Variants in SYTL5 observed in about 807,000 individuals in gnomAD.
SYTL5 encodes the protein synaptotagmin like 5.
A neutral mutation model predicts 55.9 loss-of-function variants in SYTL5; 34 were observed. That is an observed-to-expected ratio of 0.61 (90% CI 0.46 to 0.81). The LOEUF (loss-of-function observed/expected upper bound fraction) is 0.81. Ranked by LOEUF, SYTL5 falls within the 30% of genes least tolerant of loss-of-function variation. The pLI is 0.00. For synonymous variants in SYTL5, 221 were observed against 188.7 expected, an observed-to-expected ratio of 1.17 and a Z score of -1.40; for missense variants, 637 against 546.7, an observed-to-expected ratio of 1.17 and a Z score of -1.65.
At chrX:38,028,850 T>C (rs776140160) in intron 1 of SYTL5, among the ~76,000 whole-genome samples, 1 of 111,765 alleles carries the variant, frequency 8.9e-6, no homozygotes, top group African/African-American at 3.2e-5. Flanking sequence ...TGACAAAATG[T>C]CTTAGGGCAG....
chrX:37,937,144 G>T, the SYTL5 span, among the ~76,000 whole-genome samples: 50 of 110,318 alleles, frequency 4.5e-4, no homozygotes, highest in African/African-American at 1.6e-3. Flanking sequence ...GACCTGTGAA[G>T]GTAATTGGGT....
the SYTL5 span, among the ~76,000 whole-genome samples, chrX:37,961,992 T>A: frequency 8.9e-6 from 1 of 112,014 alleles, no homozygotes; most frequent in East Asian, 2.8e-4. Flanking sequence ...ATGAGGTTTC[T>A]ATGGATTCAT....
At chrX:37,983,413 A>T in the SYTL5 span, among the ~76,000 whole-genome samples, 2 of 112,396 alleles carry the variant, frequency 1.8e-5, no homozygotes, top group African/African-American at 6.4e-5. Context: ...ATATTAAAAT[A>T]AAAAATGCTA....
At chrX:38,050,211 T>C (rs985589914) in intron 2 of SYTL5, among the ~76,000 whole-genome samples, 8 of 112,418 alleles carry the variant, frequency 7.1e-5, no homozygotes, top group African/African-American at 2.6e-4. Flanking sequence ...TGGTGTAAAA[T>C]GGTGTTCAGT....
At chrX:38,075,937 G>C (rs1470806466) in intron 5 of SYTL5, among the ~76,000 whole-genome samples, 1 of 112,341 alleles carries the variant, frequency 8.9e-6, no homozygotes, top group Non-Finnish European at 1.9e-5. Flanking sequence ...CTAAAAGGCT[G>C]TTTCTGCTTA....
chrX:38,073,514 G>A (rs1936317171), intron 4 of SYTL5, 76 bp from the exon 5 acceptor site: 5 of 768,198 alleles, frequency 6.5e-6, no homozygotes, highest in Middle Eastern at 4.4e-4. Flanking sequence ...CTGGGAAAGT[G>A]AAAGCAGAAT....
chrX:38,054,971 C>G (rs1935738997), intron 3 of SYTL5, among the ~76,000 whole-genome samples: 1 of 111,164 alleles, frequency 9.0e-6, no homozygotes, highest in Non-Finnish European at 1.9e-5. Context: ...CCAGCCTTGG[C>G]CTCCCAAAGT....
intron 2 of SYTL5, among the ~76,000 whole-genome samples, chrX:38,039,350 A>G (rs775695592): frequency 1.8e-5 from 2 of 112,493 alleles, no homozygotes; most frequent in Non-Finnish European, 3.8e-5. Flanking sequence ...AAATTGAGCT[A>G]TCAACAATTA....
intron 3 of SYTL5, among the ~76,000 whole-genome samples, chrX:38,061,560 C>T (rs1478072222): frequency 1.8e-5 from 2 of 111,144 alleles, no homozygotes; most frequent in African/African-American, 3.3e-5. Context: ...AGTAAATGAC[C>T]TTTATTGTCA....
At chrX:38,124,126 C>T (rs1319086468) in intron 15 of SYTL5, among the ~76,000 whole-genome samples, 2 of 111,426 alleles carry the variant, frequency 1.8e-5, no homozygotes, top group Non-Finnish European at 3.8e-5. Flanking sequence ...CCTGTTTCAG[C>T]TATCCCACAC....
intron 13 of SYTL5, among the ~76,000 whole-genome samples, chrX:38,118,920 A>AATATATATATATAT (rs61288420): frequency 3.4e-5 from 3 of 88,989 alleles, no homozygotes; most frequent in Admixed American, 1.3e-4. Flanking sequence ...ATGCCCAGCT[A>AATATATATATATAT]ATATATATAT....
chrX:37,931,628 G>A, the SYTL5 span, among the ~76,000 whole-genome samples: 5 of 111,598 alleles, frequency 4.5e-5, no homozygotes, highest in African/African-American at 1.6e-4. Context: ...TGTTTTGCTT[G>A]CTGCTGTATC....
chrX:37,899,475 CT>C, the SYTL5 span, among the ~76,000 whole-genome samples: 1 of 112,146 alleles, frequency 8.9e-6, no homozygotes, highest in Non-Finnish European at 1.9e-5. Flanking sequence ...AATTTAAGTG[CT>C]TTGTTCCAAT....
At chrX:37,939,288 A>C in the SYTL5 span, among the ~76,000 whole-genome samples, 1 of 111,482 alleles carries the variant, frequency 9.0e-6, no homozygotes, top group Non-Finnish European at 1.9e-5. Context: ...AGAAAAAAAA[A>C]GAAAGATAAC....
At chrX:37,980,802 T>A in the SYTL5 span, among the ~76,000 whole-genome samples, 6 of 112,128 alleles carry the variant, frequency 5.4e-5, no homozygotes, top group East Asian at 1.7e-3. Context: ...TGCTTCTTCA[T>A]CCTAGCCTCC....
At chrX:37,893,560 A>C in the SYTL5 span, among the ~76,000 whole-genome samples, 363 of 89,804 alleles carry the variant, frequency 4.0e-3, 2 homozygotes, top group African/African-American at 0.014. Flanking sequence ...TAGATTATAG[A>C]TTATATATAC....
the SYTL5 span, among the ~76,000 whole-genome samples, chrX:37,970,706 T>C: frequency 1.8e-5 from 2 of 111,924 alleles, no homozygotes; most frequent in Non-Finnish European, 3.8e-5. Flanking sequence ...ACCATTCTTA[T>C]AGCTGTGAGT....
the SYTL5 span, among the ~76,000 whole-genome samples, chrX:37,941,829 T>C: frequency 8.9e-6 from 1 of 112,264 alleles, no homozygotes; most frequent in Admixed American, 9.5e-5. Flanking sequence ...GTTCTTTTCA[T>C]AGAATAATTT....
intron 1 of SYTL5, among the ~76,000 whole-genome samples, chrX:38,017,015 C>T (rs1219394735): frequency 3.6e-5 from 4 of 111,860 alleles, no homozygotes; most frequent in African/African-American, 1.3e-4. Context: ...CTATTTTTTC[C>T]TTATGTCTTA....
Sources: allele counts gnomAD v4.1 joint callset (sites outside exome capture counted in the v4.1 genomes callset), GRCh38; gene constraint gnomAD v4.1.1; transcripts MANE v1.5; gene names NCBI Gene and HGNC (gene_info 2026-07-23, HGNC 2026-07-21).